The following SLC22A23 variants were observed in gnomAD, a reference collection of about 807,000 sequenced individuals.
The protein encoded by SLC22A23 is ion transporter protein.
A neutral mutation model predicts 61.0 loss-of-function variants in SLC22A23; 26 were observed. The ratio of observed to expected loss-of-function variants is 0.43; its 90% CI spans 0.31 to 0.59. The LOEUF (loss-of-function observed/expected upper bound fraction) is 0.59, where lower values mean the gene tolerates loss of function less well. SLC22A23 is among the 20% of genes least tolerant of loss of function. The probability of loss-of-function intolerance (pLI) is 0.11; values close to 1 mark genes in which losing one functional copy is unlikely to be tolerated. For missense variants in SLC22A23, 796 were observed against 934.7 expected (o/e 0.85, Z 1.94); for synonymous variants, 430 against 413.9 (o/e 1.04, Z -0.47).
intron 4 of SLC22A23, among the ~76,000 whole-genome samples, chr6:3,307,019 A>G (rs1490088693): frequency 2.6e-5 from 4 of 152,242 alleles, no homozygotes; most frequent in East Asian, 1.9e-4. Context: ...GGAGGGGCAC[A>G]AGGATTCCTC....
chr6:3,306,509 A>G (rs1031684691), intron 4 of SLC22A23, among the ~76,000 whole-genome samples: 3 of 152,234 alleles, frequency 2.0e-5, no homozygotes, highest in Non-Finnish European at 2.9e-5. Flanking sequence ...TCAGGCAAAG[A>G]ACGTTCAAAT....
chr6:3,430,048 C>T (rs6939192), intron 1 of SLC22A23, among the ~76,000 whole-genome samples: 45,981 of 152,068 alleles, frequency 0.3, 8,132 homozygotes, highest in East Asian at 0.48. Flanking sequence ...ATGTTATGTA[C>T]ATTTTCCCAC....
rs1014033462 is a variant in SLC22A23 at position 3,271,248 on chromosome 6, G to T, written c.*1807C>A. On this transcript the variant is annotated 3_prime_UTR_variant, in exon 10 of 10. Transcript: ENST00000406686. ...AAAGAGGGAAGGTGAGGAGCTGGAC[G>T]TGGAGCAAGTGGAGGCAGGGAGAGG... 1 of 152,392 alleles carries T rather than the reference G, an allele frequency of 6.6e-6. No homozygotes were observed. The highest frequency in any genetic ancestry group is 1.5e-5 in the Non-Finnish European group (1 of 68,058). The allele number at this position is 152,392 out of a possible 1,614,324, so 9.4% of individuals were successfully genotyped here. A position where few individuals can be genotyped will look rare whatever the true frequency, so the allele number is the denominator to read the frequency against.
intron 1 of SLC22A23, among the ~76,000 whole-genome samples, chr6:3,429,913 A>G (rs906053327): frequency 6.6e-6 from 1 of 152,214 alleles, no homozygotes; most frequent in Non-Finnish European, 1.5e-5. Context: ...GGGATGAGTT[A>G]TAGTTTCATG....
chr6:3,280,359 C>T (rs1171782936), intron 9 of SLC22A23, among the ~76,000 whole-genome samples: 1 of 152,210 alleles, frequency 6.6e-6, no homozygotes, highest in African/African-American at 2.4e-5. Context: ...GCCATATCAT[C>T]AGCACCCTCC....
At position 3,328,858 on chromosome 6, in the gene SLC22A23, C is replaced by A. The variant is rs192633289; in HGVS notation, c.914-4856G>T. ...GTCCTGCCCATCACACAGGCTCACACGAGGCCTCCCGTGAAGCCCATCTCC... is the reference window on the plus strand; with the variant it reads ...GTCCTGCCCATCACACAGGCTCACAAGAGGCCTCCCGTGAAGCCCATCTCC... On this transcript the variant is annotated intron_variant, in intron 3 of 9. Transcript: ENST00000406686. The surrounding 1 kb of genome is among the most constrained non-coding windows in gnomAD (Gnocchi z 5.0). Among the ~76,000 whole-genome samples, 45 of 151,988 alleles carry A rather than the reference C, an allele frequency of 3.0e-4. No homozygotes were observed. The highest frequency in any genetic ancestry group is 5.6e-4 in the Non-Finnish European group (38 of 67,994).
At chr6:3,403,688 C>T (rs1012631358) in intron 3 of SLC22A23, among the ~76,000 whole-genome samples, 1 of 152,108 alleles carries the variant, frequency 6.6e-6, no homozygotes, top group Non-Finnish European at 1.5e-5. Context: ...GTTTCACTGC[C>T]CCCACTCCCA....
intron 3 of SLC22A23, among the ~76,000 whole-genome samples, chr6:3,378,660 T>TG (rs1481171611): frequency 8.1e-6 from 1 of 123,098 alleles, no homozygotes; most frequent in Non-Finnish European, 1.6e-5. Context: ...CTTTTTTCTT[T>TG]TTTTTTTTTT....
chr6:3,321,071 G>A (rs1035646402), intron 4 of SLC22A23, among the ~76,000 whole-genome samples: 7 of 151,898 alleles, frequency 4.6e-5, no homozygotes, highest in South Asian at 2.1e-4. Context: ...GAGATTAAGC[G>A]ACTTGCTCAG....
At position 3,272,814 on chromosome 6, in the gene SLC22A23, AAAAT is replaced by A. The variant is rs1411323315; in HGVS notation, c.*237_*240del. 1.8e-5 allele frequency: 8 copies of A among 435,428 alleles called. No homozygotes were observed. The highest frequency in any genetic ancestry group is 1.6e-4 in the African/African-American group (8 of 49,144). The allele number at this position is 435,428 out of a possible 1,614,324, so 27.0% of individuals were successfully genotyped here. On this transcript the variant is annotated 3_prime_UTR_variant, in exon 10 of 10. Coordinates refer to ENST00000406686, the MANE Select transcript of SLC22A23 (RefSeq NM_015482.2). ...TAAAGTGCTTCTCGTAAAAATGACCAAAATAAATACACACATTTAACGGCAGAAA... is the reference window on the plus strand; with the variant it reads ...TAAAGTGCTTCTCGTAAAAATGACCAAAATACACACATTTAACGGCAGAAA...
At chr6:3,399,083 CCT>C (rs71676297) in intron 3 of SLC22A23, among the ~76,000 whole-genome samples, 38,544 of 151,846 alleles carry the variant, frequency 0.25, 6,020 homozygotes, top group East Asian at 0.53. Flanking sequence ...TCAGAAGGCC[CCT>C]GAGTCTGACT....
chr6:3,317,009 G>A lies in SLC22A23; in HGVS notation c.1082+6825C>T, dbSNP rs1025879957. 5.9e-5 allele frequency among the ~76,000 whole-genome samples: 9 copies of A among 152,076 alleles called. No homozygotes were observed. Among genetic ancestry groups the A allele is most frequent in the African/African-American group, 2.2e-4 (9 of 41,382 alleles). ...CATGCACCAACGTTTTGGGAGAGTG[G>A]CGCTCACATCTCCACTATCTCCAGA... On this transcript the variant is annotated intron_variant, in intron 4 of 9. Coordinates refer to ENST00000406686, the MANE Select transcript of SLC22A23 (RefSeq NM_015482.2). This position sits in a 1 kb window ranked among gnomAD's most constrained non-coding sequence, Gnocchi z 4.4.
intron 3 of SLC22A23, among the ~76,000 whole-genome samples, chr6:3,337,341 T>G (rs775102565): frequency 2.0e-5 from 3 of 152,056 alleles, no homozygotes; most frequent in Non-Finnish European, 2.9e-5. Context: ...GTGGTGCTGC[T>G]GGGGAGAGTG....
At position 3,455,785 on chromosome 6, in the gene SLC22A23, G is replaced by T. The variant is rs1027438513; in HGVS notation, c.654+121C>A. ...GGACGGAAGGAGATTAAGCCAATGC[G>T]GAATGCCCTACACACACTCTAGCAC... On this transcript the variant is annotated intron_variant, in intron 1 of 9. Transcript: ENST00000406686. 3.3e-6 allele frequency: 4 copies of T among 1,220,378 alleles called. No individual in the cohort carries two copies. The African/African-American group carries it at 4.6e-5, about 14-fold the overall frequency. The allele number at this position is 1,220,378 out of a possible 1,614,324, so 75.6% of individuals were successfully genotyped here.
rs936680758 is a variant in SLC22A23, at chr6:3,322,142, T to G, written c.1082+1692A>C. Among the ~76,000 whole-genome samples the G allele has an allele frequency of 6.6e-6, 1 of 152,136 alleles. No homozygotes were observed. The highest frequency in any genetic ancestry group is 6.5e-5 in the Admixed American group (1 of 15,284). ...GCCGCTTCAGGTCCAGGCTCTGACG[T>G]GAGTCAGCGGGGGTCAGGGGACCGC... On this transcript the variant is annotated intron_variant, in intron 4 of 9. Coordinates refer to ENST00000406686, the MANE Select transcript of SLC22A23 (RefSeq NM_015482.2). This position sits in a 1 kb window ranked among gnomAD's most constrained non-coding sequence, Gnocchi z 4.1.
At chr6:3,323,379 T>G (rs1394788725) in intron 4 of SLC22A23, 4 of 457,410 alleles carry the variant, frequency 8.7e-6, no homozygotes, top group East Asian at 6.9e-5. Flanking sequence ...AAACAGACAG[T>G]GGGCCTGATG....
rs542241156 is a variant in SLC22A23, at chr6:3,386,862, C to A, written c.913+23326G>T. On this transcript the variant is annotated intron_variant, in intron 3 of 9. Transcript: ENST00000406686. This position sits in a 1 kb window ranked among gnomAD's most constrained non-coding sequence, Gnocchi z 4.4. ...GAACAAGGACTTGCTTCCACAGGGCCGGCACCCCAGGGCGGGGCAGGCACC... is the reference window on the plus strand; with the variant it reads ...GAACAAGGACTTGCTTCCACAGGGCAGGCACCCCAGGGCGGGGCAGGCACC... Among the ~76,000 whole-genome samples the A allele has an allele frequency of 3.9e-5, 6 of 152,174 alleles. No homozygotes were observed. The East Asian group carries it at 1.2e-3, about 29-fold the overall frequency.
intron 1 of SLC22A23, among the ~76,000 whole-genome samples, chr6:3,434,292 G>A (rs970515160): frequency 3.3e-5 from 5 of 151,550 alleles, no homozygotes; most frequent in Admixed American, 6.6e-5. Flanking sequence ...CACCCTGGGC[G>A]ACAGAGCGAA....
intron 3 of SLC22A23, among the ~76,000 whole-genome samples, chr6:3,368,431 CT>C (rs1765982212): frequency 6.6e-6 from 1 of 152,140 alleles, no homozygotes; most frequent in Admixed American, 6.5e-5. Context: ...GAGATATGCG[CT>C]TTTCCAGGGG....
Sources: allele counts gnomAD v4.1 joint callset (sites outside exome capture counted in the v4.1 genomes callset), GRCh38; gene constraint gnomAD v4.1.1; non-coding constraint Gnocchi (gnomAD v3.1); transcripts MANE v1.5; gene names NCBI Gene and HGNC (gene_info 2026-07-23, HGNC 2026-07-21).